Variants in WWC2 observed in about 807,000 individuals in gnomAD.
WWC2 encodes the protein WW and C2 domain containing 2.
A neutral mutation model predicts 138.5 loss-of-function variants in WWC2; 101 were observed. The observed-to-expected ratio is 0.73, with a 90% CI of 0.62 to 0.86. The LOEUF (loss-of-function observed/expected upper bound fraction) is 0.86. Among genes scored for constraint, WWC2 ranks in the 40% least tolerant of loss-of-function variants. The pLI is 0.00. For synonymous variants in WWC2, 558 were observed against 538.4 expected, an observed-to-expected ratio of 1.04 and a Z score of -0.50; for missense variants, 1,420 against 1,419.4, an observed-to-expected ratio of 1.00 and a Z score of -0.01.
At chr4:183,164,286 ATATATAT>A (rs1316304682) in intron 1 of WWC2, among the ~76,000 whole-genome samples, 1 of 268 alleles carries the variant, frequency 3.7e-3, no homozygotes, top group Non-Finnish European at 0.011. Flanking sequence ...ATATATATAT[ATATATAT>A]ATATATACAT....
rs1342944163 is a variant in WWC2, at chr4:183,284,301, A to T, written c.2959A>T (p.Ser987Cys). 1 of 1,614,026 alleles carries T rather than the reference A, an allele frequency of 6.2e-7. No homozygotes were observed. Among genetic ancestry groups the T allele is most frequent in the Admixed American group, 1.7e-5 (1 of 60,026 alleles). ...AVRPKERSSL[S>C]SRQHPFVRSS... ...TCGCCCCAAAGAGCGCAGCAGCCTGAGCTCTAGACAGCATCCGTTTGTGAG... is the reference window on the plus strand; with the variant it reads ...TCGCCCCAAAGAGCGCAGCAGCCTGTGCTCTAGACAGCATCCGTTTGTGAG... Residue 987 changes from serine (S) to cysteine (C), a missense_variant, in exon 19 of 23, where the codon AGC becomes TGC. Coordinates refer to ENST00000403733, the MANE Select transcript of WWC2 (RefSeq NM_024949.6).
intron 1 of WWC2, among the ~76,000 whole-genome samples, chr4:183,191,978 G>C (rs1426611865): frequency 6.6e-6 from 1 of 152,150 alleles, no homozygotes; most frequent in Admixed American, 6.5e-5. Flanking sequence ...TCCTGCCTCA[G>C]CCTCCCAAAG....
intron 1 of WWC2, among the ~76,000 whole-genome samples, chr4:183,103,265 A>C (rs1211673544): frequency 6.6e-6 from 1 of 151,164 alleles, no homozygotes; most frequent in Non-Finnish European, 1.5e-5. Context: ...TTGATGTCAC[A>C]GTTAACTTTT....
intron 1 of WWC2, among the ~76,000 whole-genome samples, chr4:183,149,850 A>G (rs1368714765): frequency 6.6e-6 from 1 of 152,180 alleles, no homozygotes; most frequent in Non-Finnish European, 1.5e-5. Context: ...GTGAATTAAT[A>G]TGGGGTTGCA....
chr4:183,298,818 G>A (rs1326596586), intron 21 of WWC2, among the ~76,000 whole-genome samples: 1 of 152,168 alleles, frequency 6.6e-6, no homozygotes, highest in Admixed American at 6.5e-5. Context: ...GAGATTTGTG[G>A]AAATTGAAGT....
intron 5 of WWC2, among the ~76,000 whole-genome samples, chr4:183,245,077 A>T (rs1317687786): frequency 1.3e-5 from 2 of 151,988 alleles, no homozygotes; most frequent in Non-Finnish European, 2.9e-5. Context: ...AAATACAAAA[A>T]TTAGCCGGGC....
chr4:183,253,803 T>G lies in WWC2; in HGVS notation c.1000T>G (p.Trp334Gly), dbSNP rs1393877490. The G allele has an allele frequency of 6.2e-7, 1 of 1,613,642 alleles. No homozygotes were observed. The highest frequency in any genetic ancestry group is 1.3e-5 in the African/African-American group (1 of 74,882). Residue 334 changes from tryptophan (W) to glycine (G), a missense_variant, in exon 9 of 23, where the codon TGG becomes GGG. Coordinates refer to ENST00000403733, the MANE Select transcript of WWC2 (RefSeq NM_024949.6). ...ACTGTCAAAATTGGACAGTGAGGCC[T>G]GGCCTGGGGCACTGGATATTGAGAA... The part of the protein sequence containing the change: ...IELSKLDSEA[W>G]PGALDIEKEK...
intron 2 of WWC2, among the ~76,000 whole-genome samples, chr4:183,206,088 C>T (rs774200035): frequency 5.3e-5 from 8 of 152,002 alleles, no homozygotes; most frequent in Non-Finnish European, 8.8e-5. Context: ...CTTGAGTTAC[C>T]CCTCTTTGCA....
chr4:183,180,470 C>CAAG lies in WWC2; in HGVS notation c.132-13128_132-13127insAGA, dbSNP rs1296782172. 5.9e-3 allele frequency among the ~76,000 whole-genome samples: 897 copies of CAAG among 152,274 alleles called. 7 individuals carry two copies. Among genetic ancestry groups the CAAG allele is most frequent in the African/African-American group, 0.019 (794 of 41,554 alleles). ...CGATGTTCTGAAACCTGGCCAGTCT[C>CAAG]ACCAAGCTTGAAGTCTATTTTATTT... On this transcript the variant is annotated intron_variant, in intron 1 of 22. Coordinates refer to ENST00000403733, the MANE Select transcript of WWC2 (RefSeq NM_024949.6).
chr4:183,243,317 C>A (rs886819861), intron 5 of WWC2, among the ~76,000 whole-genome samples: 2 of 152,172 alleles, frequency 1.3e-5, no homozygotes, highest in African/African-American at 2.4e-5. Flanking sequence ...TCAGATATCC[C>A]TATTACTACC....
intron 1 of WWC2, among the ~76,000 whole-genome samples, chr4:183,148,677 T>C (rs928121471): frequency 2.0e-5 from 3 of 152,216 alleles, no homozygotes; most frequent in Non-Finnish European, 2.9e-5. Flanking sequence ...CATAAGATAA[T>C]GATCTGTGTT....
chr4:183,151,280 T>C (rs1489134523), intron 1 of WWC2, among the ~76,000 whole-genome samples: 1 of 152,240 alleles, frequency 6.6e-6, no homozygotes, highest in Non-Finnish European at 1.5e-5. Context: ...TGCATTTCTC[T>C]GATGGCCAGT....
chr4:183,243,630 T>G (rs535971658), intron 5 of WWC2, among the ~76,000 whole-genome samples: 1 of 152,254 alleles, frequency 6.6e-6, no homozygotes, highest in East Asian at 1.9e-4. Context: ...ACTAGCTAAG[T>G]GTCTGTGCAA....
At chr4:183,312,195 A>G in intron 21 of WWC2, 146 bp from the exon 22 acceptor site, 1 of 1,000,416 alleles carries the variant, frequency 1.0e-6, no homozygotes, top group Non-Finnish European at 1.5e-6. Flanking sequence ...TTGGCTCCTG[A>G]TGGGTGATAA....
chr4:183,111,522 G>A (rs771731055), intron 1 of WWC2, among the ~76,000 whole-genome samples: 18 of 152,144 alleles, frequency 1.2e-4, no homozygotes, highest in Middle Eastern at 6.8e-3. Flanking sequence ...GACAGTGAAT[G>A]AATGTGTGGA....
intron 4 of WWC2, among the ~76,000 whole-genome samples, chr4:183,239,813 G>A (rs1432130320): frequency 6.6e-6 from 1 of 152,172 alleles, no homozygotes; most frequent in Non-Finnish European, 1.5e-5. Flanking sequence ...TCTGAGGAAC[G>A]GAGGGGTGGG....
At chr4:183,164,349 TATATATACATATA>T (rs1561443920) in intron 1 of WWC2, among the ~76,000 whole-genome samples, 3,820 of 139,788 alleles carry the variant, frequency 0.027, 500 homozygotes, top group African/African-American at 0.099. Context: ...ATATATATAT[TATATATACATATA>T]TATATTATAT....
intron 1 of WWC2, among the ~76,000 whole-genome samples, chr4:183,115,738 T>C (rs1732389465): frequency 6.6e-6 from 1 of 152,236 alleles, no homozygotes; most frequent in Non-Finnish European, 1.5e-5. Context: ...TTATAGATTC[T>C]GGATTTCAGA....
At chr4:183,208,414 C>T (rs111714808) in intron 3 of WWC2, among the ~76,000 whole-genome samples, 30 of 152,252 alleles carry the variant, frequency 2.0e-4, no homozygotes, top group African/African-American at 6.5e-4. Context: ...TATGCATTTA[C>T]GAGTTAATTT....
Sources: gnomAD v4.1 joint callset for allele counts (sites outside exome capture counted in the v4.1 genomes callset) on GRCh38, gnomAD v4.1.1 for gene constraint, MANE v1.5 for transcripts, NCBI Gene and HGNC (gene_info 2026-07-23, HGNC 2026-07-21) for gene names.